ZFAT: variants seen among roughly 807,000 people sequenced by gnomAD.
The protein encoded by ZFAT is zinc finger protein ZFAT.
A neutral mutation model predicts 117.7 loss-of-function variants in ZFAT; 64 were observed. The ratio of observed to expected loss-of-function variants is 0.54; its 90% confidence interval spans 0.44 to 0.67. The LOEUF is 0.67. ZFAT is among the 30% of genes least tolerant of loss of function. ZFAT has a pLI of 0.00. For missense variants in ZFAT, 1,433 were observed against 1,584.5 expected (o/e 0.90, Z 1.62); for synonymous variants, 679 against 615.0 (o/e 1.10, Z -1.54).
chr8:134,548,117 A>G (rs968441520), intron 11 of ZFAT, among the ~76,000 whole-genome samples: 1 of 152,248 alleles, frequency 6.6e-6, no homozygotes, highest in African/African-American at 2.4e-5. Context: ...TAAATCTATC[A>G]CAGTAAATTT....
the ZFAT span, among the ~76,000 whole-genome samples, chr8:134,823,568 A>T: frequency 6.6e-6 from 1 of 152,218 alleles, no homozygotes; most frequent in African/African-American, 2.4e-5. Context: ...AAGACAACAC[A>T]GCTACTGAGA....
At chr8:134,609,107 C>T (rs1563671126) in intron 4 of ZFAT, among the ~76,000 whole-genome samples, 1 of 151,916 alleles carries the variant, frequency 6.6e-6, no homozygotes, top group African/African-American at 2.4e-5. Flanking sequence ...TAAATGTCCT[C>T]TTGAGATATA....
chr8:134,696,292 G>A (rs780088448), intron 1 of ZFAT: 15 of 832,804 alleles, frequency 1.8e-5, no homozygotes, highest in Non-Finnish European at 2.0e-5. Flanking sequence ...TGAGTCCCAG[G>A]CCACCCTGCA....
intron 15 of ZFAT, among the ~76,000 whole-genome samples, chr8:134,481,843 A>G (rs1817330492): frequency 6.6e-6 from 1 of 152,196 alleles, no homozygotes; most frequent in Non-Finnish European, 1.5e-5. Flanking sequence ...GGAAGGTGGC[A>G]TTGGCCACAG....
chr8:134,487,005 T>C (rs1053293114), intron 15 of ZFAT, among the ~76,000 whole-genome samples: 3 of 152,216 alleles, frequency 2.0e-5, no homozygotes, highest in Non-Finnish European at 4.4e-5. Flanking sequence ...CATATGCATG[T>C]ATATGGGTCT....
intron 3 of ZFAT, among the ~76,000 whole-genome samples, chr8:134,635,648 GGAGAGA>G (rs111233731): frequency 2.7e-5 from 4 of 149,696 alleles, no homozygotes; most frequent in African/African-American, 7.4e-5. Context: ...AGGGAGAGAG[GGAGAGA>G]GAGAGAGAGA....
At chr8:134,811,730 T>C in the ZFAT span, among the ~76,000 whole-genome samples, 1 of 152,214 alleles carries the variant, frequency 6.6e-6, no homozygotes, top group Admixed American at 6.5e-5. Context: ...AGTCTACTGA[T>C]AGGAAAGCAG....
chr8:134,820,380 C>T, the ZFAT span, among the ~76,000 whole-genome samples: 1 of 152,178 alleles, frequency 6.6e-6, no homozygotes, highest in African/African-American at 2.4e-5. Context: ...ATACATCTAC[C>T]AAGACTGTAA....
the ZFAT span, among the ~76,000 whole-genome samples, chr8:134,832,057 G>C: frequency 2.4e-3 from 353 of 148,952 alleles, 1 homozygote; most frequent in Admixed American, 6.0e-3. Context: ...CCAGCGCCCC[G>C]CGCCCCGAGC....
the ZFAT span, chr8:134,766,177 A>G: frequency 5.3e-5 from 8 of 152,222 alleles, no homozygotes; most frequent in Non-Finnish European, 1.0e-4. Flanking sequence ...ATGCAACTTG[A>G]GACCAAAAGA....
intron 10 of ZFAT, among the ~76,000 whole-genome samples, chr8:134,581,879 T>G (rs1223955514): frequency 1.3e-5 from 2 of 152,160 alleles, no homozygotes; most frequent in East Asian, 3.9e-4. Context: ...CATGAGCCAC[T>G]GTGCCCGACC....
At chr8:134,788,293 T>C in the ZFAT span, among the ~76,000 whole-genome samples, 8 of 152,312 alleles carry the variant, frequency 5.3e-5, no homozygotes, top group Non-Finnish European at 1.2e-4. Flanking sequence ...CACGCACTGC[T>C]TCAGCTGCAA....
At chr8:134,496,144 G>A (rs1323987816) in intron 15 of ZFAT, among the ~76,000 whole-genome samples, 1 of 152,234 alleles carries the variant, frequency 6.6e-6, no homozygotes, top group Non-Finnish European at 1.5e-5. Flanking sequence ...CCACGTGCCA[G>A]GCACAGGGCC....
intron 8 of ZFAT, 44 bp downstream of exon 8, chr8:134,590,224 G>A (rs757683146): frequency 7.6e-6 from 11 of 1,454,020 alleles, no homozygotes; most frequent in Admixed American, 3.5e-5. Flanking sequence ...ATAAACATAA[G>A]CATTTTTAAC....
chr8:134,680,791 C>G (rs1360322077), intron 1 of ZFAT, among the ~76,000 whole-genome samples: 1 of 152,140 alleles, frequency 6.6e-6, no homozygotes, highest in Non-Finnish European at 1.5e-5. Context: ...TGCCACTAAA[C>G]TATCTACCGA....
chr8:134,813,397 T>C, the ZFAT span, among the ~76,000 whole-genome samples: 3 of 152,186 alleles, frequency 2.0e-5, no homozygotes, highest in South Asian at 2.1e-4. Flanking sequence ...CCACATTAGA[T>C]TGCTAAAGCT....
intron 15 of ZFAT, among the ~76,000 whole-genome samples, chr8:134,487,432 G>A (rs911201149): frequency 6.6e-6 from 1 of 152,182 alleles, no homozygotes; most frequent in Non-Finnish European, 1.5e-5. Context: ...ATCCCTTTGA[G>A]AAGGGGTGGC....
chr8:134,615,437 C>T (rs960075584), intron 3 of ZFAT, among the ~76,000 whole-genome samples: 1 of 152,118 alleles, frequency 6.6e-6, no homozygotes, highest in African/African-American at 2.4e-5. Flanking sequence ...GATCCATGCA[C>T]CTCGGCCTCC....
chr8:134,649,165 T>TCACTCA (rs1831077611), intron 2 of ZFAT, among the ~76,000 whole-genome samples: 3 of 76,968 alleles, frequency 3.9e-5, no homozygotes. Flanking sequence ...CATCTATCTC[T>TCACTCA]CACACACACA....
Sources: allele counts gnomAD v4.1 joint callset (sites outside exome capture counted in the v4.1 genomes callset), GRCh38; gene constraint gnomAD v4.1.1; transcripts MANE v1.5; gene names NCBI Gene and HGNC (gene_info 2026-07-23, HGNC 2026-07-21).